Variants in IFIT5 observed in about 807,000 individuals in gnomAD.
IFIT5 encodes interferon-induced protein with tetratricopeptide repeats 5.
IFIT5 carries 2 observed loss-of-function variants against 5.0 expected under a neutral mutation model. That is an observed-to-expected ratio of 0.40 (90% CI 0.16 to 1.26). IFIT5 has a LOEUF of 1.26. Among genes scored for constraint, IFIT5 ranks in the 50% most tolerant of loss-of-function variants. IFIT5 has a pLI of 0.33. For synonymous variants in IFIT5, 206 were observed against 204.6 expected, an observed-to-expected ratio of 1.01 and a Z score of -0.06; for missense variants, 524 against 563.2, an observed-to-expected ratio of 0.93 and a Z score of 0.70.
rs771170864 is a variant in IFIT5 at position 89,414,804 on chromosome 10, G to T, written c.5+1G>T. On this transcript the variant is annotated splice_donor_variant, in intron 1 of 1. Transcript: ENST00000371795. LOFTEE classifies it high-confidence loss of function. ...GCCTGCAGAGCGCTGCCATCATGAG[G>T]TAAGGGTTTTCCTTTGCCTCTCCTC... is the stretch of plus-strand genomic sequence containing the variant. 1.9e-6 allele frequency: 3 copies of T among 1,610,216 alleles called. No homozygotes were observed. The highest frequency in any genetic ancestry group is 2.5e-6 in the Non-Finnish European group (3 of 1,178,436).
chr10:89,418,357 G>A lies in IFIT5; in HGVS notation c.1158G>A (p.Gln386=). The A allele has an allele frequency of 6.2e-7, 1 of 1,614,104 alleles. No homozygotes were observed. ...HQIHYHYGRF[Q]EFHRKSENTA... ...TCCATTACCACTATGGCCGCTTTCAGGAATTTCACCGTAAATCAGAAAATA... is the reference window on the plus strand; with the variant it reads ...TCCATTACCACTATGGCCGCTTTCAAGAATTTCACCGTAAATCAGAAAATA... Residue 386 remains glutamine (Q), a synonymous_variant, in exon 2 of 2, where the codon CAG becomes CAA. Transcript: ENST00000371795.
At chr10:89,416,846 G>A (rs1403126387) in intron 1 of IFIT5, among the ~76,000 whole-genome samples, 1 of 152,076 alleles carries the variant, frequency 6.6e-6, no homozygotes, top group Non-Finnish European at 1.5e-5. Flanking sequence ...TTCCTAGTCA[G>A]GATCAGTACT....
In IFIT5 at chr10:89,418,846, T is replaced by G; in HGVS notation, c.*198T>G. 4.1e-6 allele frequency: 2 copies of G among 482,012 alleles called. No homozygotes were observed. The highest frequency in any genetic ancestry group is 7.7e-5 in the Admixed American group (2 of 26,090). 29.9% of individuals were successfully genotyped at this position (482,012 alleles called of 1,614,324 possible). On this transcript the variant is annotated 3_prime_UTR_variant, in exon 2 of 2. Transcript: ENST00000371795. ...GCGGTTTTCTTTCTTTTTTTCTTTTTAATTAAAATACTATAATCCATTGAG... is the reference window on the plus strand; with the variant it reads ...GCGGTTTTCTTTCTTTTTTTCTTTTGAATTAAAATACTATAATCCATTGAG...
chr10:89,414,765 G>T lies in IFIT5; in HGVS notation c.-34G>T, dbSNP rs371198188. 5.2e-5 allele frequency: 83 copies of T among 1,606,314 alleles called. No homozygotes were observed. Among genetic ancestry groups the T allele is most frequent in the Non-Finnish European group, 6.9e-5 (81 of 1,177,454 alleles). On this transcript the variant is annotated 5_prime_UTR_variant, in exon 1 of 2. Transcript: ENST00000371795. The stretch of plus-strand genomic sequence containing the variant: ...TGAGGAGAGAGCGATCCGAGGGACT[G>T]CGCCGCCCGGACGGCCTGCAGAGCG...
At chr10:89,416,573 C>T (rs1841540106) in intron 1 of IFIT5, among the ~76,000 whole-genome samples, 1 of 152,230 alleles carries the variant, frequency 6.6e-6, no homozygotes, top group South Asian at 2.1e-4. Flanking sequence ...ATTCCAGAGC[C>T]TGGACAAACC....
chr10:89,416,942 A>G (rs1349334304), intron 1 of IFIT5, among the ~76,000 whole-genome samples: 2 of 152,246 alleles, frequency 1.3e-5, no homozygotes, highest in South Asian at 2.1e-4. Flanking sequence ...GATTGCCAAA[A>G]GGAAATAGAT....
At position 89,417,202 on chromosome 10, in the gene IFIT5, CAG is replaced by C; in HGVS notation, c.6-2_6-1del. 6.4e-7 allele frequency: 1 copy of C among 1,560,332 alleles called. No individual in the cohort carries two copies. Among genetic ancestry groups the C allele is most frequent in the Non-Finnish European group, 8.7e-7 (1 of 1,152,538 alleles). On this transcript the variant is annotated splice_acceptor_variant, in intron 1 of 1. Coordinates refer to ENST00000371795, the MANE Select transcript of IFIT5 (RefSeq NM_012420.3). LOFTEE classifies it high-confidence loss of function. Reference sequence around the variant, plus strand: ...AAATTAAAAAGTATTTTATCTTTGACAGTGAAATTCGTAAGGACACCTTGAAG... The same window carrying C: ...AAATTAAAAAGTATTTTATCTTTGACTGAAATTCGTAAGGACACCTTGAAG...
Position 89,418,624 on chromosome 10 carries a change from C to T in IFIT5, c.1425C>T (p.Leu475=), listed in dbSNP as rs768041597. 4.3e-6 allele frequency: 7 copies of T among 1,612,204 alleles called. No homozygotes were observed. The African/African-American group carries it at 6.7e-5, about 15-fold the overall frequency. The stretch of plus-strand genomic sequence containing the variant: ...AAAATGCAGAATTCCTGACTGCTCT[C>T]TGTGAGCTCCGACTTTCCATTTAAA... ...DPENAEFLTA[L]CELRLSI The change falls in exon 2 of 2, where the codon CTC becomes CTT. Residue 475 remains leucine (L), a synonymous_variant. Coordinates refer to ENST00000371795, the MANE Select transcript of IFIT5 (RefSeq NM_012420.3).
intron 1 of IFIT5, among the ~76,000 whole-genome samples, 187 bp downstream of exon 1, chr10:89,414,990 G>A (rs1206557492): frequency 6.6e-6 from 1 of 152,168 alleles, no homozygotes; most frequent in African/African-American, 2.4e-5. Flanking sequence ...GGCGTCTGAA[G>A]TCGGGCCTGC....
In IFIT5 at chr10:89,414,669, G is replaced by C. The variant is rs1334318982; in HGVS notation, c.-130G>C. On this transcript the variant is annotated 5_prime_UTR_variant, in exon 1 of 2. Coordinates refer to ENST00000371795, the MANE Select transcript of IFIT5 (RefSeq NM_012420.3). ...AGACACGCCGCGCGGCCGAGTCCAG[G>C]GGCTGCAGAGGCCTGGCGCGCGCAC... is the stretch of plus-strand genomic sequence containing the variant. The C allele has an allele frequency of 1.9e-6, 2 of 1,069,610 alleles. No individual in the cohort carries two copies. Among genetic ancestry groups the C allele is most frequent in the South Asian group, 1.7e-5 (1 of 57,446 alleles). The allele number at this position is 1,069,610 out of a possible 1,614,324, so 66.3% of individuals were successfully genotyped here.
At position 89,417,449 on chromosome 10, in the gene IFIT5, GA is replaced by G; in HGVS notation, c.252del (p.Glu84AspfsTer37). 6.2e-7 allele frequency: 1 copy of G among 1,614,182 alleles called. No homozygotes were observed. The highest frequency in any genetic ancestry group is 8.5e-7 in the Non-Finnish European group (1 of 1,180,024). ...LEQAEEIIQQ[E>X]HSDKEEVRSL... ...ACAAGCAGAAGAAATAATCCAGCAA[GA>G]ACACTCAGACAAAGAAGAAGTACGA... On this transcript the variant is annotated frameshift_variant, in exon 2 of 2. Coordinates refer to ENST00000371795, the MANE Select transcript of IFIT5 (RefSeq NM_012420.3). LOFTEE classifies it low-confidence loss of function (END_TRUNC).
In IFIT5 at chr10:89,418,423, C is replaced by A. The variant is rs770760123; in HGVS notation, c.1224C>A (p.Asp408Glu). 6.2e-7 allele frequency: 1 copy of A among 1,614,188 alleles called. No homozygotes were observed. Among genetic ancestry groups the A allele is most frequent in the South Asian group, 1.1e-5 (1 of 91,088 alleles). The stretch of plus-strand genomic sequence containing the variant: ...ATTTAGAAGCCTTAAAGGTCAAAGA[C>A]AGATCACCCCTTCGCACCAAACTGA... The part of the protein sequence containing the change: ...HHYLEALKVK[D>E]RSPLRTKLTS... The change falls in exon 2 of 2, where the codon GAC becomes GAA. Residue 408 changes from aspartate (D) to glutamate (E), a missense_variant. Coordinates refer to ENST00000371795, the MANE Select transcript of IFIT5 (RefSeq NM_012420.3).
intron 1 of IFIT5, among the ~76,000 whole-genome samples, chr10:89,416,346 G>C (rs994943853): frequency 1.3e-5 from 2 of 152,236 alleles, no homozygotes; most frequent in African/African-American, 4.8e-5. Flanking sequence ...ATATATGCAG[G>C]ATGGGGAGGA....
In IFIT5 at chr10:89,418,566, A is replaced by G; in HGVS notation, c.1367A>G (p.Glu456Gly). ...KLEGEKRQAAEYYEKAQKIDP... is the reference protein window; with the variant it reads ...KLEGEKRQAAGYYEKAQKIDP... The stretch of plus-strand genomic sequence containing the variant: ...GAAGGAGAAAAGAGGCAAGCTGCTG[A>G]GTACTATGAGAAGGCACAAAAGATA... Residue 456 changes from glutamate (E) to glycine (G), a missense_variant, in exon 2 of 2, where the codon GAG becomes GGG. Physicochemically the swap from Glu to Gly is moderately conservative, Grantham distance 98. Coordinates refer to ENST00000371795, the MANE Select transcript of IFIT5 (RefSeq NM_012420.3). 6.2e-7 allele frequency: 1 copy of G among 1,614,194 alleles called. No individual in the cohort carries two copies. Among genetic ancestry groups the G allele is most frequent in the East Asian group, 2.2e-5 (1 of 44,884 alleles).
chr10:89,417,202 C>G lies in IFIT5; in HGVS notation c.6-3C>G. 6.4e-7 allele frequency: 1 copy of G among 1,560,332 alleles called. No individual in the cohort carries two copies. The highest frequency in any genetic ancestry group is 8.7e-7 in the Non-Finnish European group (1 of 1,152,538). On this transcript the variant is annotated splice_polypyrimidine_tract_variant and splice_region_variant and intron_variant, in intron 1 of 1. Transcript: ENST00000371795. ...AAATTAAAAAGTATTTTATCTTTGACAGTGAAATTCGTAAGGACACCTTGA... is the reference window on the plus strand; with the variant it reads ...AAATTAAAAAGTATTTTATCTTTGAGAGTGAAATTCGTAAGGACACCTTGA...
At position 89,417,713 on chromosome 10, in the gene IFIT5, G is replaced by A. The variant is rs762225859; in HGVS notation, c.514G>A (p.Asp172Asn). The A allele has an allele frequency of 5.6e-6, 9 of 1,614,074 alleles. No homozygotes were observed. The African/African-American group carries it at 9.3e-5, about 17-fold the overall frequency. Residue 172 changes from aspartate (D) to asparagine (N), a missense_variant, in exon 2 of 2, where the codon GAC (aspartate) becomes AAC (asparagine). Transcript: ENST00000371795. ...TGAGAAGGCTCTGGAAGTGGAGCCT[G>A]ACAATCCAGAATTTAACATCGGCTA... is the stretch of plus-strand genomic sequence containing the variant. ...AFEKALEVEP[D>N]NPEFNIGYAI... is the part of the protein sequence containing the mutation.
chr10:89,414,694 C>T lies in IFIT5; in HGVS notation c.-105C>T. On this transcript the variant is annotated 5_prime_UTR_variant, in exon 1 of 2. The change creates a new upstream start codon in the 5' untranslated region. Transcript: ENST00000371795. The stretch of plus-strand genomic sequence containing the variant: ...GGGCTGCAGAGGCCTGGCGCGCGCA[C>T]GCGCACGCGCACGCCCACCGCGCGG... The T allele has an allele frequency of 3.6e-6, 5 of 1,403,680 alleles. No individual in the cohort carries two copies. Among genetic ancestry groups the T allele is most frequent in the Non-Finnish European group, 3.8e-6 (4 of 1,059,848 alleles). 87.0% of individuals were successfully genotyped at this position (1,403,680 alleles called of 1,614,324 possible).
In IFIT5 at chr10:89,417,463, A is replaced by G; in HGVS notation, c.264A>G (p.Lys88=). The G allele has an allele frequency of 6.2e-7, 1 of 1,614,124 alleles. No individual in the cohort carries two copies. Among genetic ancestry groups the G allele is most frequent in the Non-Finnish European group, 8.5e-7 (1 of 1,179,962 alleles). ...EEIIQQEHSD[K]EEVRSLVTWG... ...TAATCCAGCAAGAACACTCAGACAA[A>G]GAAGAAGTACGAAGCCTGGTCACTT... The change falls in exon 2 of 2, where the codon AAA becomes AAG. Residue 88 remains lysine, a synonymous_variant. Transcript: ENST00000371795.
At chr10:89,414,936 C>A (rs1841517027) in intron 1 of IFIT5, 133 bp downstream of exon 1, 1 of 1,222,412 alleles carries the variant, frequency 8.2e-7, no homozygotes, top group Non-Finnish European at 1.1e-6. Flanking sequence ...AGCAACCGGG[C>A]ATCTGCGTTG....
Sources: allele counts gnomAD v4.1 joint callset (sites outside exome capture counted in the v4.1 genomes callset), GRCh38; gene constraint gnomAD v4.1.1; transcripts MANE v1.5; gene names NCBI Gene and HGNC (gene_info 2026-07-23, HGNC 2026-07-21).